Variants in SLC23A2 observed in about 807,000 individuals in gnomAD.
SLC23A2 encodes the protein solute carrier family 23 member 2.
A neutral mutation model predicts 73.3 loss-of-function variants in SLC23A2; 36 were observed. The observed-to-expected ratio is 0.49, with a 90% CI of 0.38 to 0.65. The LOEUF (loss-of-function observed/expected upper bound fraction) is 0.65. Ranked by LOEUF, SLC23A2 falls within the 30% of genes least tolerant of loss-of-function variation. SLC23A2 has a pLI of 0.00. For synonymous variants in SLC23A2, 343 were observed against 327.3 expected (o/e 1.05, Z -0.52); for missense variants, 507 against 841.6 (o/e 0.60, Z 4.92).
chr20:4,950,295 G>A (rs1032793560), intron 2 of SLC23A2, among the ~76,000 whole-genome samples: 1 of 152,236 alleles, frequency 6.6e-6, no homozygotes, highest in Non-Finnish European at 1.5e-5. Context: ...TGAAAAGGGA[G>A]ATTAATTTTA....
intron 3 of SLC23A2, among the ~76,000 whole-genome samples, chr20:4,931,222 G>A (rs1229035846): frequency 1.3e-5 from 2 of 152,050 alleles, no homozygotes; most frequent in African/African-American, 4.8e-5. Flanking sequence ...GCAGGCATCT[G>A]TGATCCCAGC....
At chr20:4,885,310 GTCTGAC>G (rs1931053494) in intron 7 of SLC23A2, among the ~76,000 whole-genome samples, 1 of 152,198 alleles carries the variant, frequency 6.6e-6, no homozygotes, top group Non-Finnish European at 1.5e-5. Context: ...GAGAGTACAG[GTCTGAC>G]TCTAATTTTC....
chr20:4,912,101 TC>T (rs1932176309), intron 4 of SLC23A2, among the ~76,000 whole-genome samples: 1 of 150,930 alleles, frequency 6.6e-6, no homozygotes, highest in Non-Finnish European at 1.5e-5. Flanking sequence ...CGCCTCAGCC[TC>T]CCAAAGTATT....
intron 3 of SLC23A2, among the ~76,000 whole-genome samples, chr20:4,931,228 C>G (rs1300582744): frequency 1.3e-5 from 2 of 151,868 alleles, no homozygotes; most frequent in Non-Finnish European, 2.9e-5. Context: ...ATCTGTGATC[C>G]CAGCTACTTG....
At position 4,902,380 on chromosome 20, in the gene SLC23A2, T is replaced by C. The variant is rs936287009; in HGVS notation, c.324+62A>G. 2.8e-5 allele frequency: 26 copies of C among 917,024 alleles called. No homozygotes were observed. Among genetic ancestry groups the C allele is most frequent in the Non-Finnish European group, 4.3e-5 (25 of 587,342 alleles). 56.8% of individuals were successfully genotyped at this position (917,024 alleles called of 1,614,324 possible). On this transcript the variant is annotated intron_variant, in intron 5 of 16. Coordinates refer to ENST00000338244, the MANE Select transcript of SLC23A2 (RefSeq NM_005116.6). The surrounding 1 kb of genome is among the most constrained non-coding windows in gnomAD (Gnocchi z 4.0). ...AACCAAAGTGGAATTTTTAAACAAT[T>C]CCAGATGGTAGACAATGCAAACACC...
intron 11 of SLC23A2, 102 bp from the exon 12 acceptor site, chr20:4,870,155 T>C: frequency 3.1e-6 from 3 of 954,870 alleles, no homozygotes; most frequent in Non-Finnish European, 1.6e-6. Context: ...CTCTACAAGA[T>C]CCACTTGGAT....
chr20:4,957,875 T>TG (rs2087316943), intron 2 of SLC23A2, among the ~76,000 whole-genome samples: 1 of 142,200 alleles, frequency 7.0e-6, no homozygotes, highest in East Asian at 2.1e-4. Flanking sequence ...CACTCCAGCC[T>TG]GGGCAACAGA....
At chr20:4,966,610 T>C (rs900049362) in intron 2 of SLC23A2, among the ~76,000 whole-genome samples, 1 of 152,240 alleles carries the variant, frequency 6.6e-6, no homozygotes, top group Admixed American at 6.5e-5. Flanking sequence ...TTATAAAATA[T>C]ATTACTAAAA....
intron 1 of SLC23A2, among the ~76,000 whole-genome samples, chr20:4,991,273 G>A (rs761215575): frequency 6.6e-5 from 10 of 152,126 alleles, no homozygotes; most frequent in Admixed American, 2.6e-4. Context: ...ACCACGCCAG[G>A]CCACTTTAAA....
chr20:4,951,450 G>A (rs559845269), intron 2 of SLC23A2, among the ~76,000 whole-genome samples: 48 of 152,224 alleles, frequency 3.2e-4, no homozygotes, highest in Middle Eastern at 3.4e-3. Context: ...GACAGAGCTG[G>A]GCAGGAAAAA....
At chr20:4,975,893 G>A (rs2087637734) in intron 1 of SLC23A2, among the ~76,000 whole-genome samples, 1 of 146,404 alleles carries the variant, frequency 6.8e-6, no homozygotes, top group Non-Finnish European at 1.5e-5. Context: ...TCGCTCTGTC[G>A]CCCAGGCTGG....
At chr20:5,005,707 G>A (rs1228149382), upstream of SLC23A2, among the ~76,000 whole-genome samples, 1 of 152,186 alleles carries the variant, frequency 6.6e-6, no homozygotes, top group Non-Finnish European at 1.5e-5. Context: ...AATGATAGGG[G>A]CCAGGCGCCG....
At position 4,947,168 on chromosome 20, in the gene SLC23A2, C is replaced by T. The variant is rs1350362621; in HGVS notation, c.-154-14452G>A. ...TTTCCATGGTTCCCAGCTTCCTGTC[C>T]GCTCCCCACCAGAATGAGATGGCAG... On this transcript the variant is annotated intron_variant, in intron 2 of 16. Coordinates refer to ENST00000338244, the MANE Select transcript of SLC23A2 (RefSeq NM_005116.6). This position sits in a 1 kb window ranked among gnomAD's most constrained non-coding sequence, Gnocchi z 4.4. Among the ~76,000 whole-genome samples the T allele has an allele frequency of 1.3e-5, 2 of 152,022 alleles. No homozygotes were observed. Among genetic ancestry groups the T allele is most frequent in the South Asian group, 2.1e-4 (1 of 4,816 alleles).
chr20:4,976,015 G>A (rs1165764051), intron 1 of SLC23A2, among the ~76,000 whole-genome samples: 7 of 151,414 alleles, frequency 4.6e-5, no homozygotes, highest in Admixed American at 1.3e-4. Context: ...CACCAGGCCC[G>A]GCTAATTTTT....
chr20:4,954,390 A>G (rs1354443763), intron 2 of SLC23A2, among the ~76,000 whole-genome samples: 2 of 152,146 alleles, frequency 1.3e-5, no homozygotes, highest in East Asian at 3.9e-4. Context: ...GAAAATTTCA[A>G]ACCCCATGAA....
chr20:4,929,850 A>G (rs1932766728), intron 3 of SLC23A2, among the ~76,000 whole-genome samples: 1 of 152,236 alleles, frequency 6.6e-6, no homozygotes, highest in South Asian at 2.1e-4. Context: ...AAAGCAGCTA[A>G]AGAGAAATGA....
intron 1 of SLC23A2, among the ~76,000 whole-genome samples, chr20:4,988,744 A>G (rs1276714179): frequency 1.3e-5 from 2 of 151,150 alleles, no homozygotes; most frequent in Non-Finnish European, 3.0e-5. Context: ...CAAAAAAAAA[A>G]AAAGAAAGAA....
rs533789415 is a variant in SLC23A2, at chr20:4,950,578, A to T, written c.-154-17862T>A. Among the ~76,000 whole-genome samples the T allele has an allele frequency of 1.3e-3, 204 of 152,256 alleles. 1 individual carries two copies. Among genetic ancestry groups the T allele is most frequent in the African/African-American group, 4.9e-3 (203 of 41,574 alleles). The stretch of plus-strand genomic sequence containing the variant: ...CAGTCTGACATCAGGACTAGGAAAG[A>T]AGTCACACCTGTGGCCAGACTTTGC... On this transcript the variant is annotated intron_variant, in intron 2 of 16. Transcript: ENST00000338244.
intron 9 of SLC23A2, 82 bp from the exon 10 acceptor site, chr20:4,874,778 A>T: frequency 3.4e-6 from 4 of 1,191,592 alleles, no homozygotes; most frequent in Non-Finnish European, 4.7e-6. Context: ...CTATGGCAAA[A>T]TTGACATAGT....
Sources: gnomAD v4.1 joint callset for allele counts (sites outside exome capture counted in the v4.1 genomes callset) on GRCh38, gnomAD v4.1.1 for gene constraint, Gnocchi (gnomAD v3.1) non-coding constraint, MANE v1.5 for transcripts, NCBI Gene and HGNC (gene_info 2026-07-23, HGNC 2026-07-21) for gene names.